CDO1: variants seen among roughly 807,000 people sequenced by gnomAD.
The protein encoded by CDO1 is cysteine dioxygenase, type I.
In CDO1, 19 loss-of-function variants were observed where a neutral mutation model predicts 24.5. That is an observed-to-expected ratio of 0.77 (90% CI 0.54 to 1.14). The LOEUF is 1.14. Among genes scored for constraint, CDO1 ranks in the 50% most tolerant of loss-of-function variants. The probability of loss-of-function intolerance (pLI) is 0.00; values close to 1 mark genes in which losing one functional copy is unlikely to be tolerated. For missense variants in CDO1, 244 were observed against 244.8 expected (o/e 1.00, Z 0.02); for synonymous variants, 91 against 87.0 (o/e 1.05, Z -0.26).
At chr5:115,811,441 T>C (rs574007932) in intron 2 of CDO1, 126 bp from the exon 3 acceptor site, 4 of 631,502 alleles carry the variant, frequency 6.3e-6, no homozygotes, top group Non-Finnish European at 8.1e-6. Flanking sequence ...AAAATCCATT[T>C]CAGCTGAATT....
At chr5:115,806,285 G>T in intron 4 of CDO1, 64 bp downstream of exon 4, 2 of 1,069,768 alleles carry the variant, frequency 1.9e-6, no homozygotes, top group Non-Finnish European at 1.3e-6. Context: ...CTCATTCTTT[G>T]CATACATGCA....
At chr5:115,806,867 A>G (rs1759970408) in intron 3 of CDO1, among the ~76,000 whole-genome samples, 1 of 152,264 alleles carries the variant, frequency 6.6e-6, no homozygotes, top group Non-Finnish European at 1.5e-5. Context: ...GAGAAAACCA[A>G]GAAATAACCT....
intron 2 of CDO1, among the ~76,000 whole-genome samples, chr5:115,812,167 T>C (rs962161272): frequency 6.6e-6 from 1 of 152,196 alleles, no homozygotes; most frequent in Non-Finnish European, 1.5e-5. Flanking sequence ...CTTTCAAAAA[T>C]ATTGAGAGAA....
rs920435359 is a variant in CDO1, at chr5:115,805,587, G to T, written c.574-125C>A. On this transcript the variant is annotated intron_variant, in intron 4 of 4. Coordinates refer to ENST00000250535, the MANE Select transcript of CDO1 (RefSeq NM_001801.3). Reference sequence around the variant, plus strand: ...TCAGCAAGGGCAAGGGAGCCTTGTTGTTTTTCCCGCAATAAGAATATCTCT... The same window carrying T: ...TCAGCAAGGGCAAGGGAGCCTTGTTTTTTTTCCCGCAATAAGAATATCTCT... The T allele has an allele frequency of 3.9e-6, 3 of 765,264 alleles. No homozygotes were observed. In the African/African-American group the frequency reaches 5.3e-5, roughly 14 times the overall value. 47.4% of individuals were successfully genotyped at this position (765,264 alleles called of 1,614,324 possible).
Position 115,811,251 on chromosome 5 carries a change from T to C in CDO1, c.313A>G (p.Thr105Ala), listed in dbSNP as rs761463048. Residue 105 changes from threonine to alanine, a missense_variant, in exon 3 of 5, where the codon ACA becomes GCA. Coordinates refer to ENST00000250535, the MANE Select transcript of CDO1 (RefSeq NM_001801.3). Reference protein sequence around the residue: ...LKMLQGNLKETLFAWPDKKSN... With the variant: ...LKMLQGNLKEALFAWPDKKSN... ...TTTTTGTCAGGCCAGGCAAATAATG[T>C]CTCCTTTAGATTTCCCTGTAGCATC... The C allele has an allele frequency of 2.5e-6, 4 of 1,613,098 alleles. No homozygotes were observed. The highest frequency in any genetic ancestry group is 2.2e-5 in the East Asian group (1 of 44,854).
In CDO1 at chr5:115,816,377, C is replaced by T. The variant is rs1259496557; in HGVS notation, c.21G>A (p.Leu7=). The change falls in exon 1 of 5, where the codon CTG becomes CTA. Residue 7 remains leucine, a synonymous_variant. Coordinates refer to ENST00000250535, the MANE Select transcript of CDO1 (RefSeq NM_001801.3). The part of the protein sequence containing the change: MEQTEV[L]KPRTLADLIR... ...TCAGATCAGCCAGGGTCCGTGGCTT[C>T]AGCACTTCGGTCTGTTCCATCTCGT... The T allele has an allele frequency of 5.0e-6, 8 of 1,613,580 alleles. No homozygotes were observed.
intron 2 of CDO1, among the ~76,000 whole-genome samples, chr5:115,812,167 T>G (rs962161272): frequency 2.0e-5 from 3 of 152,196 alleles, no homozygotes; most frequent in Non-Finnish European, 4.4e-5. Flanking sequence ...CTTTCAAAAA[T>G]ATTGAGAGAA....
At position 115,813,625 on chromosome 5, in the gene CDO1, T is replaced by C. The variant is rs571887934; in HGVS notation, c.171-367A>G. ...TTGAGGCAAGAATGTTGCTATTGTT[T>C]TTTTTTTTTTCTTTTTTCTGCCTGT... On this transcript the variant is annotated intron_variant, in intron 1 of 4. Coordinates refer to ENST00000250535, the MANE Select transcript of CDO1 (RefSeq NM_001801.3). 2.5e-3 allele frequency among the ~76,000 whole-genome samples: 315 copies of C among 124,778 alleles called. 2 individuals carry two copies. Among genetic ancestry groups the C allele is most frequent in the Non-Finnish European group, 3.2e-3 (218 of 67,668 alleles). 81.9% of individuals were successfully genotyped at this position (124,778 alleles called of 152,430 possible).
At chr5:115,814,769 T>A (rs1760353697) in intron 1 of CDO1, among the ~76,000 whole-genome samples, 1 of 152,146 alleles carries the variant, frequency 6.6e-6, no homozygotes, top group Non-Finnish European at 1.5e-5. Flanking sequence ...GGAACAACAA[T>A]GCTAACCCCG....
chr5:115,806,329 C>G lies in CDO1; in HGVS notation c.573+20G>C. On this transcript the variant is annotated intron_variant, in intron 4 of 4. Coordinates refer to ENST00000250535, the MANE Select transcript of CDO1 (RefSeq NM_001801.3). ...GTGCCAACCTACAGAGCATTTAAAC[C>G]TAGAAGAAATTATACTCACATTTGG... 1 of 1,580,068 alleles carries G rather than the reference C, an allele frequency of 6.3e-7. No individual in the cohort carries two copies. The highest frequency in any genetic ancestry group is 8.6e-7 in the Non-Finnish European group (1 of 1,161,802).
chr5:115,804,932 G>T lies in CDO1; in HGVS notation c.*501C>A, dbSNP rs1305394472. 1.3e-5 allele frequency: 2 copies of T among 152,260 alleles called. No homozygotes were observed. Among genetic ancestry groups the T allele is most frequent in the African/African-American group, 4.8e-5 (2 of 41,422 alleles). The allele number at this position is 152,260 out of a possible 1,614,324, so 9.4% of individuals were successfully genotyped here. A position where few individuals can be genotyped will look rare whatever the true frequency, so the allele number is the denominator to read the frequency against. The stretch of plus-strand genomic sequence containing the variant: ...AAGTTCCTCTATTATTCATAGAAAA[G>T]AAATTTGTAAGGTAAGACTGAAAAA... On this transcript the variant is annotated 3_prime_UTR_variant, in exon 5 of 5. Transcript: ENST00000250535.
Position 115,806,464 on chromosome 5 carries a change from C to G in CDO1, c.458G>C (p.Ser153Thr), listed in dbSNP as rs776810485. ...AAAAGGTGGACTGTACAAGTGAAGG[C>G]TCACAGCAGGTTCCGTATGGCTGAT... is the stretch of plus-strand genomic sequence containing the variant. Reference protein sequence around the residue: ...ENISHTEPAVSLHLYSPPFDT... With the variant: ...ENISHTEPAVTLHLYSPPFDT... The change falls in exon 4 of 5, where the codon AGC becomes ACC. Residue 153 changes from serine (S) to threonine (T), a missense_variant. Coordinates refer to ENST00000250535, the MANE Select transcript of CDO1 (RefSeq NM_001801.3). 13 of 1,611,362 alleles carry G rather than the reference C, an allele frequency of 8.1e-6. No homozygotes were observed. The highest frequency in any genetic ancestry group is 9.3e-6 in the Non-Finnish European group (11 of 1,179,032).
At chr5:115,812,123 CCA>C (rs1367272340) in intron 2 of CDO1, among the ~76,000 whole-genome samples, 1 of 152,058 alleles carries the variant, frequency 6.6e-6, no homozygotes, top group Non-Finnish European at 1.5e-5. Flanking sequence ...TTTCCTAAAT[CCA>C]CAGAGTCTAG....
intron 2 of CDO1, among the ~76,000 whole-genome samples, chr5:115,812,337 T>C (rs1760224689): frequency 6.6e-6 from 1 of 152,220 alleles, no homozygotes; most frequent in African/African-American, 2.4e-5. Context: ...AAGAGAGTAA[T>C]ACTTAGTTGA....
At chr5:115,813,486 A>G (rs774533489) in intron 1 of CDO1, among the ~76,000 whole-genome samples, 82 of 152,296 alleles carry the variant, frequency 5.4e-4, no homozygotes, top group Non-Finnish European at 1.0e-3. Flanking sequence ...GTTTTAATTA[A>G]TGGCACGGGA....
At chr5:115,813,493 G>A (rs553884896) in intron 1 of CDO1, among the ~76,000 whole-genome samples, 27 of 152,168 alleles carry the variant, frequency 1.8e-4, no homozygotes, top group Middle Eastern at 6.8e-3. Flanking sequence ...TTAATGGCAC[G>A]GGAAAAATAA....
At chr5:115,808,929 T>C (rs923325397) in intron 3 of CDO1, among the ~76,000 whole-genome samples, 4 of 152,204 alleles carry the variant, frequency 2.6e-5, no homozygotes, top group South Asian at 4.1e-4. Flanking sequence ...GAATGAAGCA[T>C]AGAACCAGAA....
At chr5:115,807,691 A>G (rs1173226500) in intron 3 of CDO1, among the ~76,000 whole-genome samples, 1 of 151,842 alleles carries the variant, frequency 6.6e-6, no homozygotes, top group Non-Finnish European at 1.5e-5. Context: ...AAAAAAAAAG[A>G]GGAACAGTTC....
chr5:115,813,171 G>A lies in CDO1; in HGVS notation c.248+10C>T. 4 of 1,492,870 alleles carry A rather than the reference G, an allele frequency of 2.7e-6. No homozygotes were observed. The highest frequency in any genetic ancestry group is 3.7e-6 in the Non-Finnish European group (4 of 1,074,454). 92.5% of individuals were successfully genotyped at this position (1,492,870 alleles called of 1,614,324 possible). A position where few individuals can be genotyped will look rare whatever the true frequency, so the allele number is the denominator to read the frequency against. On this transcript the variant is annotated intron_variant, in intron 2 of 4. Transcript: ENST00000250535. ...TCTAATAAATATCTGTGAATGAATA[G>A]TTATTTTACCTGCCATGTCCTTCAC...
Sources: gnomAD v4.1 joint callset for allele counts (sites outside exome capture counted in the v4.1 genomes callset) on GRCh38, gnomAD v4.1.1 for gene constraint, MANE v1.5 for transcripts, NCBI Gene and HGNC (gene_info 2026-07-23, HGNC 2026-07-21) for gene names.